Variants in TENM2 observed in about 807,000 individuals in gnomAD.
The protein encoded by TENM2 is teneurin transmembrane protein 2.
A neutral mutation model predicts 245.2 loss-of-function variants in TENM2; 52 were observed. That is an observed-to-expected ratio of 0.21 (90% CI 0.17 to 0.27). The LOEUF (loss-of-function observed/expected upper bound fraction) is 0.27, where lower values mean the gene tolerates loss of function less well. Ranked by LOEUF, TENM2 falls within the 10% of genes least tolerant of loss-of-function variation. TENM2 has a pLI of 1.00. For synonymous variants in TENM2, 1,363 were observed against 1,438.9 expected (o/e 0.95, Z 1.19); for missense variants, 3,046 against 3,666.8 (o/e 0.83, Z 4.37).
Position 168,047,297 on chromosome 5 carries a change from T to A in TENM2, c.1187-130T>A, listed in dbSNP as rs561237078. The A allele has an allele frequency of 6.7e-6, 7 of 1,038,774 alleles. No individual in the cohort carries two copies. The African/African-American group carries it at 1.1e-4, about 16-fold the overall frequency. The allele number at this position is 1,038,774 out of a possible 1,614,324, so 64.3% of individuals were successfully genotyped here. A position where few individuals can be genotyped will look rare whatever the true frequency, so the allele number is the denominator to read the frequency against. On this transcript the variant is annotated intron_variant, in intron 5 of 28. Coordinates refer to ENST00000518659, the Ensembl canonical transcript of TENM2. Reference sequence around the variant, plus strand: ...CTGTATTTAGCTAATCCCTGTGGCCTGGGGCAAGCCATTTTTGACGCAGCT... The same window carrying A: ...CTGTATTTAGCTAATCCCTGTGGCCAGGGGCAAGCCATTTTTGACGCAGCT...
chr5:167,325,580 G>A (rs1757029909), intron 1 of TENM2, among the ~76,000 whole-genome samples: 1 of 152,108 alleles, frequency 6.6e-6, no homozygotes, highest in Non-Finnish European at 1.5e-5. Flanking sequence ...CCACACAAGT[G>A]GACTTACAAG....
At chr5:167,647,206 C>T (rs981504506) in intron 2 of TENM2, among the ~76,000 whole-genome samples, 92 of 152,160 alleles carry the variant, frequency 6.0e-4, no homozygotes, top group African/African-American at 2.1e-3. Context: ...GCATTGGAAA[C>T]GACCAGACAG....
chr5:167,908,809 A>G (rs1481248138), intron 3 of TENM2, among the ~76,000 whole-genome samples: 1 of 151,608 alleles, frequency 6.6e-6, no homozygotes, highest in Non-Finnish European at 1.5e-5. Context: ...TTCTCCAGCC[A>G]GAGTGTATTG....
At chr5:167,998,423 A>T (rs747019727) in intron 5 of TENM2, among the ~76,000 whole-genome samples, 1 of 152,218 alleles carries the variant, frequency 6.6e-6, no homozygotes, top group African/African-American at 2.4e-5. Flanking sequence ...ATCAAGGAAG[A>T]AAGATGCTTC....
At chr5:167,218,956 G>T in the TENM2 span, among the ~76,000 whole-genome samples, 1 of 152,180 alleles carries the variant, frequency 6.6e-6, no homozygotes, top group East Asian at 1.9e-4. Flanking sequence ...ATAGGAAGTA[G>T]CAAAGATTGT....
rs552238232 is a variant in TENM2, at chr5:167,687,359, C to T, written c.503-188627C>T. Among the ~76,000 whole-genome samples, 23 of 152,014 alleles carry T rather than the reference C, an allele frequency of 1.5e-4. 1 individual carries two copies. In the East Asian group the frequency reaches 4.3e-3, roughly 28 times the overall value. On this transcript the variant is annotated intron_variant, in intron 2 of 28. Transcript: ENST00000518659. Reference sequence around the variant, plus strand: ...TGCATATGCACAAAGGTTATGGAGACCCTTATTTTCTGAAGGAAAAAAATA... The same window carrying T: ...TGCATATGCACAAAGGTTATGGAGATCCTTATTTTCTGAAGGAAAAAAATA...
intron 2 of TENM2, among the ~76,000 whole-genome samples, chr5:167,872,428 AAG>A (rs1663266009): frequency 6.6e-6 from 1 of 151,268 alleles, no homozygotes; most frequent in Non-Finnish European, 1.5e-5. Flanking sequence ...GAGAGACAGA[AAG>A]AAAGCAAACA....
chr5:167,636,603 C>G (rs180813920), intron 2 of TENM2, among the ~76,000 whole-genome samples: 48 of 152,266 alleles, frequency 3.2e-4, no homozygotes, highest in Non-Finnish European at 6.2e-4. Flanking sequence ...TTAGTTTGCT[C>G]ATTCATTTCA....
At chr5:167,267,069 T>C in the TENM2 span, among the ~76,000 whole-genome samples, 1 of 152,146 alleles carries the variant, frequency 6.6e-6, no homozygotes. Flanking sequence ...TGTTCTAAAG[T>C]TGTATTTGAG....
intron 5 of TENM2, among the ~76,000 whole-genome samples, chr5:167,996,433 TG>T (rs1784054317): frequency 2.6e-5 from 4 of 152,204 alleles, no homozygotes; most frequent in Admixed American, 2.6e-4. Context: ...ACTCAGGCCC[TG>T]GCACAAACAA....
chr5:166,991,484 T>C, the TENM2 span, among the ~76,000 whole-genome samples: 5 of 152,172 alleles, frequency 3.3e-5, no homozygotes, highest in African/African-American at 1.2e-4. Flanking sequence ...GCTCCCTTTT[T>C]TGTTCTGTGT....
rs542682339 is a variant in TENM2 at position 167,982,215 on chromosome 5, C to T, written c.948-10729C>T. 2.0e-5 allele frequency among the ~76,000 whole-genome samples: 3 copies of T among 152,122 alleles called. No individual in the cohort carries two copies. The East Asian group carries it at 5.8e-4, about 29-fold the overall frequency. The stretch of plus-strand genomic sequence containing the variant: ...TCAGTTACTTCTTATCCTCAGACTT[C>T]TCCTCAATCCCATGGTGCTTCTGAC... On this transcript the variant is annotated intron_variant, in intron 4 of 28. Coordinates refer to ENST00000518659, the Ensembl canonical transcript of TENM2.
intron 3 of TENM2, chr5:167,938,580 T>G (rs969235617): frequency 3.3e-5 from 5 of 152,212 alleles, no homozygotes; most frequent in African/African-American, 1.2e-4. Context: ...GGCCAGGAAC[T>G]CTGTACCTCC....
At chr5:167,733,628 A>G (rs911956310) in intron 2 of TENM2, among the ~76,000 whole-genome samples, 2 of 152,184 alleles carry the variant, frequency 1.3e-5, no homozygotes. Context: ...GTTAGTTTTT[A>G]ATAAGCTGAT....
intron 2 of TENM2, among the ~76,000 whole-genome samples, chr5:167,450,113 C>T (rs1274861474): frequency 2.0e-5 from 3 of 152,032 alleles, no homozygotes; most frequent in Non-Finnish European, 4.4e-5. Context: ...TATTCTTTCC[C>T]CTGTCTACTG....
At chr5:167,736,974 A>T (rs955427423) in intron 2 of TENM2, among the ~76,000 whole-genome samples, 2 of 152,208 alleles carry the variant, frequency 1.3e-5, no homozygotes, top group Non-Finnish European at 2.9e-5. Context: ...AAGTCTCCCT[A>T]CTGAATGGCA....
the TENM2 span, among the ~76,000 whole-genome samples, chr5:167,204,377 A>T: frequency 6.6e-6 from 1 of 152,226 alleles, no homozygotes; most frequent in African/African-American, 2.4e-5. Context: ...TGAGAAGATT[A>T]ATGTGGACAA....
At chr5:167,694,703 G>C (rs1188296812) in intron 2 of TENM2, among the ~76,000 whole-genome samples, 1 of 152,000 alleles carries the variant, frequency 6.6e-6, no homozygotes, top group Non-Finnish European at 1.5e-5. Flanking sequence ...TCGGGCCCCA[G>C]CTCTTAATCT....
chr5:167,376,512 T>C (rs569538445), intron 2 of TENM2, among the ~76,000 whole-genome samples: 3 of 152,334 alleles, frequency 2.0e-5, no homozygotes, highest in African/African-American at 7.2e-5. Context: ...AAAGCATAGC[T>C]AAATATCATT....
Sources: gnomAD v4.1 joint callset for allele counts (sites outside exome capture counted in the v4.1 genomes callset) on GRCh38, gnomAD v4.1.1 for gene constraint, MANE v1.5 for transcripts, NCBI Gene and HGNC (gene_info 2026-07-23, HGNC 2026-07-21) for gene names.